LEF1: variants seen among roughly 807,000 people sequenced by gnomAD.
LEF1 encodes the protein lymphoid enhancer binding factor 1, also known as lymphoid enhancer-binding factor 1.
A neutral mutation model predicts 51.2 loss-of-function variants in LEF1; 14 were observed. That is an observed-to-expected ratio of 0.27 (90% confidence interval 0.18 to 0.43). The LOEUF is 0.43. Ranked by LOEUF, LEF1 falls within the 20% of genes least tolerant of loss-of-function variation. The probability of loss-of-function intolerance (pLI) is 1.00; values close to 1 mark genes in which losing one functional copy is unlikely to be tolerated. For synonymous variants in LEF1, 185 were observed against 183.2 expected, an observed-to-expected ratio of 1.01 and a Z score of -0.08; for missense variants, 386 against 512.0, an observed-to-expected ratio of 0.75 and a Z score of 2.37.
intron 6 of LEF1, among the ~76,000 whole-genome samples, 167 bp from the exon 7 acceptor site, chr4:108,079,781 T>C (rs1169085276): frequency 6.6e-6 from 1 of 152,304 alleles, no homozygotes; most frequent in Admixed American, 6.5e-5. Context: ...TATTTTTTTC[T>C]TTCTATATTC....
At chr4:108,157,102 G>GAACC (rs2110408354) in intron 3 of LEF1, among the ~76,000 whole-genome samples, 1 of 150,408 alleles carries the variant, frequency 6.6e-6, no homozygotes, top group African/African-American at 2.4e-5. Flanking sequence ...AGCTACCCTA[G>GAACC]AACCACTCTC....
chr4:108,142,685 T>C (rs1743744829), intron 3 of LEF1, among the ~76,000 whole-genome samples: 1 of 152,200 alleles, frequency 6.6e-6, no homozygotes, highest in Non-Finnish European at 1.5e-5. Context: ...ATATGTCCAG[T>C]AATCACTCCC....
chr4:108,151,624 G>A (rs183884426), intron 3 of LEF1, among the ~76,000 whole-genome samples: 12 of 152,148 alleles, frequency 7.9e-5, no homozygotes, highest in Admixed American at 3.3e-4. Context: ...CTATACTTCA[G>A]TTCCCTCAAC....
rs182527768 is a variant in LEF1, at chr4:108,127,435, G to A, written c.414+36133C>T. Among the ~76,000 whole-genome samples, 1,171 of 152,302 alleles carry A rather than the reference G, an allele frequency of 7.7e-3. 5 individuals are homozygous for A. Among genetic ancestry groups the A allele is most frequent in the Non-Finnish European group, 9.9e-3 (671 of 68,032 alleles). On this transcript the variant is annotated intron_variant, in intron 3 of 11. Transcript: ENST00000265165. ...GCTGAATCTCATGTGACTCTCCAGG[G>A]ATAGGCTAAAGAGAGAACTGGAGAA...
At chr4:108,166,844 T>TG in intron 1 of LEF1, 1 of 984,820 alleles carries the variant, frequency 1.0e-6, no homozygotes, top group Non-Finnish European at 1.2e-6. Context: ...AAACTAGAGT[T>TG]GGGGGCGGTA....
intron 1 of LEF1, chr4:108,166,275 T>G (rs1309548522): frequency 2.6e-6 from 4 of 1,536,238 alleles, no homozygotes; most frequent in Non-Finnish European, 3.5e-6. Context: ...TACTCACCTC[T>G]GCCATTGGGA....
chr4:108,063,780 C>T, intron 10 of LEF1, 117 bp from the exon 11 acceptor site: 1 of 702,146 alleles, frequency 1.4e-6, no homozygotes. Context: ...GGTTCTTATA[C>T]CAGCCATTTT....
At chr4:108,059,627 A>AC (rs1351477863) in intron 11 of LEF1, among the ~76,000 whole-genome samples, 24 of 152,028 alleles carry the variant, frequency 1.6e-4, no homozygotes, top group African/African-American at 5.6e-4. Flanking sequence ...GCCTAGCTTT[A>AC]CCTTTACTCG....
At chr4:108,053,232 A>G (rs1447596734) in intron 11 of LEF1, among the ~76,000 whole-genome samples, 1 of 152,204 alleles carries the variant, frequency 6.6e-6, no homozygotes. Context: ...TAACTTTGAA[A>G]TTTAAGTCCC....
At chr4:108,113,081 T>C (rs1395337478) in intron 3 of LEF1, among the ~76,000 whole-genome samples, 1 of 152,184 alleles carries the variant, frequency 6.6e-6, no homozygotes, top group African/African-American at 2.4e-5. Context: ...GATGTTCTTA[T>C]AGTGAAACAG....
chr4:108,099,617 T>TATATATATAA (rs1371330564), intron 3 of LEF1, among the ~76,000 whole-genome samples: 2 of 118,222 alleles, frequency 1.7e-5, no homozygotes, highest in South Asian at 2.7e-4. Context: ...TATATATATA[T>TATATATATAA]AAATAATACT....
chr4:108,101,703 T>C (rs1201885503), intron 3 of LEF1, among the ~76,000 whole-genome samples: 2 of 152,130 alleles, frequency 1.3e-5, no homozygotes, highest in African/African-American at 4.8e-5. Flanking sequence ...TATCCACAAA[T>C]GATAAATGAA....
rs539935276 is a variant in LEF1, at chr4:108,152,142, G to A, written c.414+11426C>T. Among the ~76,000 whole-genome samples, 249 of 152,336 alleles carry A rather than the reference G, an allele frequency of 1.6e-3. 1 individual carries two copies. Among genetic ancestry groups the A allele is most frequent in the African/African-American group, 5.8e-3 (241 of 41,570 alleles). ...AGAGTAGTCACTCTTGACTGACGGT[G>A]GGATCCGGAGGAACTTCATTGAGGA... On this transcript the variant is annotated intron_variant, in intron 3 of 11. Coordinates refer to ENST00000265165, the MANE Select transcript of LEF1 (RefSeq NM_016269.5).
intron 3 of LEF1, among the ~76,000 whole-genome samples, chr4:108,107,099 G>A (rs1398310482): frequency 5.9e-5 from 9 of 152,194 alleles, no homozygotes; most frequent in African/African-American, 9.6e-5. Flanking sequence ...GATCTTGCTC[G>A]AAAGGAGTGA....
intron 3 of LEF1, among the ~76,000 whole-genome samples, chr4:108,131,727 T>C (rs978277686): frequency 2.6e-5 from 4 of 152,156 alleles, no homozygotes; most frequent in African/African-American, 9.7e-5. Context: ...GTTTCTGACA[T>C]GCTAAGAGTC....
At position 108,090,020 on chromosome 4, in the gene LEF1, G is replaced by A. The variant is rs148423677; in HGVS notation, c.415-763C>T. Among the ~76,000 whole-genome samples, 564 of 151,848 alleles carry A rather than the reference G, an allele frequency of 3.7e-3. 5 individuals are homozygous for A. The highest frequency in any genetic ancestry group is 0.013 in the African/African-American group (531 of 41,416). On this transcript the variant is annotated intron_variant, in intron 3 of 11. Coordinates refer to ENST00000265165, the MANE Select transcript of LEF1 (RefSeq NM_016269.5). The stretch of plus-strand genomic sequence containing the variant: ...TTTTGAGATGGAGTTTCACTGTGTC[G>A]CCCAGGCTGGAGTGCAGTGGTGTGA...
chr4:108,106,586 G>C (rs537692938), intron 3 of LEF1, among the ~76,000 whole-genome samples: 1 of 152,106 alleles, frequency 6.6e-6, no homozygotes, highest in Non-Finnish European at 1.5e-5. Context: ...TTTTGTTGTC[G>C]TTTCATGCAA....
chr4:108,079,094 A>G lies in LEF1; in HGVS notation c.845+398T>C, dbSNP rs1263597714. 2.0e-5 allele frequency among the ~76,000 whole-genome samples: 3 copies of G among 152,216 alleles called. No individual in the cohort carries two copies. The East Asian group carries it at 5.8e-4, about 29-fold the overall frequency. On this transcript the variant is annotated intron_variant, in intron 7 of 11. Coordinates refer to ENST00000265165, the MANE Select transcript of LEF1 (RefSeq NM_016269.5). ...TTCTGTGCTGTTGAAGCTTGGAGCCAGGGTAACTGCACTTCCAGAAGAAAG... is the reference window on the plus strand; with the variant it reads ...TTCTGTGCTGTTGAAGCTTGGAGCCGGGGTAACTGCACTTCCAGAAGAAAG...
At chr4:108,114,425 T>C (rs1741713805) in intron 3 of LEF1, among the ~76,000 whole-genome samples, 1 of 152,090 alleles carries the variant, frequency 6.6e-6, no homozygotes, top group African/African-American at 2.4e-5. Context: ...GGATAAGAAA[T>C]GTCAACTAGG....
Sources: allele counts gnomAD v4.1 joint callset (sites outside exome capture counted in the v4.1 genomes callset), GRCh38; gene constraint gnomAD v4.1.1; transcripts MANE v1.5; gene names NCBI Gene and HGNC (gene_info 2026-07-23, HGNC 2026-07-21).